The following STXBP5L variants were observed in gnomAD, a reference collection of about 807,000 sequenced individuals.
STXBP5L encodes syntaxin binding protein 5L.
STXBP5L carries 65 observed loss-of-function variants against 144.5 expected under a neutral mutation model. The observed-to-expected ratio is 0.45, with a 90% confidence interval of 0.37 to 0.55. The LOEUF (loss-of-function observed/expected upper bound fraction) is 0.55. Ranked by LOEUF, STXBP5L falls within the 20% of genes least tolerant of loss-of-function variation. The pLI is 0.00. For missense variants in STXBP5L, 1,298 were observed against 1,405.5 expected (o/e 0.92, Z 1.22); for synonymous variants, 505 against 469.6 (o/e 1.08, Z -0.97).
chr3:121,392,035 C>T (rs1576342943), intron 22 of STXBP5L, among the ~76,000 whole-genome samples: 1 of 152,174 alleles, frequency 6.6e-6, no homozygotes, highest in East Asian at 1.9e-4. Flanking sequence ...GATAGTAGGC[C>T]TTGTTGAGCT....
intron 22 of STXBP5L, among the ~76,000 whole-genome samples, chr3:121,397,027 G>T (rs149862340): frequency 6.6e-6 from 1 of 152,198 alleles, no homozygotes; most frequent in African/African-American, 2.4e-5. Flanking sequence ...TACAAGCTCC[G>T]CTTTTTGAGC....
intron 20 of STXBP5L, among the ~76,000 whole-genome samples, chr3:121,351,581 T>G (rs1236167743): frequency 2.6e-5 from 4 of 152,206 alleles, no homozygotes; most frequent in African/African-American, 9.7e-5. Context: ...TTGTAGATTC[T>G]GGATATAAGC....
At position 121,184,847 on chromosome 3, in the gene STXBP5L, T is replaced by C. The variant is rs116137100; in HGVS notation, c.878-21076T>C. Among the ~76,000 whole-genome samples the C allele has an allele frequency of 8.2e-3, 1,247 of 152,274 alleles. 20 individuals carry two copies. Among genetic ancestry groups the C allele is most frequent in the African/African-American group, 0.028 (1,166 of 41,546 alleles). On this transcript the variant is annotated intron_variant, in intron 9 of 26. Coordinates refer to ENST00000471454, the MANE Select transcript of STXBP5L (RefSeq NM_001308330.2). ...CAGGTTACCCAGAAAGGAAAGCCTA[T>C]CGGACTAACAGCAGATCTCTCAGCA...
chr3:121,065,185 A>G (rs898998528), intron 5 of STXBP5L, among the ~76,000 whole-genome samples: 1 of 152,080 alleles, frequency 6.6e-6, no homozygotes, highest in African/African-American at 2.4e-5. Context: ...TATTATGAAT[A>G]CTGCTGTACT....
intron 20 of STXBP5L, among the ~76,000 whole-genome samples, chr3:121,356,411 C>T (rs1280161155): frequency 1.3e-5 from 2 of 152,252 alleles, no homozygotes; most frequent in African/African-American, 4.8e-5. Flanking sequence ...ATGCCCCTCC[C>T]CAAGCCAGGC....
At chr3:120,920,615 A>G (rs1469400131) in intron 2 of STXBP5L, among the ~76,000 whole-genome samples, 1 of 151,792 alleles carries the variant, frequency 6.6e-6, no homozygotes, top group African/African-American at 2.4e-5. Flanking sequence ...CAAAATATAT[A>G]TATTTGTACC....
intron 3 of STXBP5L, among the ~76,000 whole-genome samples, chr3:120,985,825 C>G (rs1942237347): frequency 6.6e-6 from 1 of 151,712 alleles, no homozygotes; most frequent in African/African-American, 2.4e-5. Context: ...CTTCGTTCAT[C>G]TAGCTAAAGG....
At chr3:121,304,754 AT>A (rs928543693) in intron 19 of STXBP5L, among the ~76,000 whole-genome samples, 9 of 151,650 alleles carry the variant, frequency 5.9e-5, no homozygotes, top group African/African-American at 1.5e-4. Flanking sequence ...GTTATGTTAG[AT>A]TTTTTTTTAA....
chr3:121,094,503 A>T (rs9827020), intron 5 of STXBP5L, among the ~76,000 whole-genome samples: 15,086 of 152,066 alleles, frequency 0.099, 1,167 homozygotes, highest in Admixed American at 0.2. Flanking sequence ...TTCTTGTTGA[A>T]TTAGTCCCTT....
chr3:121,350,210 A>C (rs1206442704), intron 20 of STXBP5L, among the ~76,000 whole-genome samples: 1 of 152,024 alleles, frequency 6.6e-6, no homozygotes, highest in Non-Finnish European at 1.5e-5. Flanking sequence ...TTTCTCCTTC[A>C]CTTATGAAGC....
In STXBP5L at chr3:121,223,172, T is replaced by C. The variant is rs534830358; in HGVS notation, c.1111+15T>C. On this transcript the variant is annotated intron_variant, in intron 11 of 26. Transcript: ENST00000471454. Reference sequence around the variant, plus strand: ...CTATCCAAATGGTAAGTAACTAAAATGAAACTATTAATGTTGAAAATCATT... The same window carrying C: ...CTATCCAAATGGTAAGTAACTAAAACGAAACTATTAATGTTGAAAATCATT... The C allele has an allele frequency of 6.4e-7, 1 of 1,573,108 alleles. No individual in the cohort carries two copies. Among genetic ancestry groups the C allele is most frequent in the Non-Finnish European group, 8.6e-7 (1 of 1,166,846 alleles).
intron 7 of STXBP5L, among the ~76,000 whole-genome samples, chr3:121,124,822 CT>C (rs768224755): frequency 6.6e-6 from 1 of 151,460 alleles, no homozygotes; most frequent in Non-Finnish European, 1.5e-5. Context: ...TTAGTGGGAA[CT>C]TTTTTTTGTT....
At chr3:121,006,859 A>C (rs1295861531) in intron 3 of STXBP5L, among the ~76,000 whole-genome samples, 4 of 152,138 alleles carry the variant, frequency 2.6e-5, no homozygotes, top group Non-Finnish European at 5.9e-5. Flanking sequence ...ATTTTCTTTA[A>C]GAATGTTGAA....
intron 9 of STXBP5L, among the ~76,000 whole-genome samples, chr3:121,193,783 T>G (rs1245547460): frequency 6.6e-6 from 1 of 151,956 alleles, no homozygotes; most frequent in Non-Finnish European, 1.5e-5. Context: ...TGAGAACACT[T>G]GGACACAGGA....
intron 3 of STXBP5L, among the ~76,000 whole-genome samples, chr3:121,035,254 C>G (rs1221316396): frequency 6.6e-6 from 1 of 152,052 alleles, no homozygotes; most frequent in Non-Finnish European, 1.5e-5. Flanking sequence ...GTTGCTTGTG[C>G]TTTTGAGGTC....
At chr3:121,364,647 A>G in intron 20 of STXBP5L, among the ~76,000 whole-genome samples, 1 of 152,000 alleles carries the variant, frequency 6.6e-6, no homozygotes, top group Non-Finnish European at 1.5e-5. Flanking sequence ...TATAGATATC[A>G]TTATACAAGT....
At chr3:120,972,776 A>T (rs1344254653) in intron 3 of STXBP5L, among the ~76,000 whole-genome samples, 1 of 152,066 alleles carries the variant, frequency 6.6e-6, no homozygotes, top group Non-Finnish European at 1.5e-5. Context: ...TGTTATCATG[A>T]AGGGGTCCTG....
intron 3 of STXBP5L, among the ~76,000 whole-genome samples, chr3:120,987,446 C>T (rs1476433202): frequency 1.3e-5 from 2 of 151,584 alleles, no homozygotes; most frequent in Non-Finnish European, 3.0e-5. Flanking sequence ...ATTTTTTGCC[C>T]ATTTTATATT....
chr3:120,963,716 T>G (rs1284324206), intron 3 of STXBP5L, among the ~76,000 whole-genome samples: 2 of 152,206 alleles, frequency 1.3e-5, no homozygotes, highest in African/African-American at 4.8e-5. Context: ...TCATCAGGGA[T>G]AGTGGTCTAA....
Sources: gnomAD v4.1 joint callset for allele counts (sites outside exome capture counted in the v4.1 genomes callset) on GRCh38, gnomAD v4.1.1 for gene constraint, MANE v1.5 for transcripts, NCBI Gene and HGNC (gene_info 2026-07-23, HGNC 2026-07-21) for gene names.